The following KANK1 variants were observed in gnomAD, a reference collection of about 807,000 sequenced individuals.
KANK1 encodes KN motif and ankyrin repeat domains 1.
Under a neutral mutation model 106.2 loss-of-function variants are expected in KANK1, and 109 were observed. The observed-to-expected ratio is 1.03, with a 90% confidence interval of 0.88 to 1.20. The LOEUF (loss-of-function observed/expected upper bound fraction) is 1.20. Ranked by LOEUF, KANK1 falls within the 50% of genes most tolerant of loss-of-function variation. The probability of loss-of-function intolerance (pLI) is 0.00; values close to 1 mark genes in which losing one functional copy is unlikely to be tolerated. For missense variants in KANK1, 2,399 were observed against 1,710.7 expected (o/e 1.40, Z -7.10); for synonymous variants, 873 against 652.2 (o/e 1.34, Z -5.16).
At chr9:562,735 G>C (rs1411289653) in intron 1 of KANK1, among the ~76,000 whole-genome samples, 2 of 152,206 alleles carry the variant, frequency 1.3e-5, no homozygotes, top group South Asian at 4.1e-4. Context: ...TTAGACAACC[G>C]ATGCTAGTGG....
chr9:714,764 G>A (rs1291533756), intron 3 of KANK1, among the ~76,000 whole-genome samples: 1 of 152,132 alleles, frequency 6.6e-6, no homozygotes, highest in African/African-American at 2.4e-5. Flanking sequence ...AAGCCACCCT[G>A]GATGATTTTA....
At chr9:614,556 A>C (rs945501822) in intron 1 of KANK1, among the ~76,000 whole-genome samples, 6 of 152,298 alleles carry the variant, frequency 3.9e-5, no homozygotes, top group African/African-American at 1.4e-4. Context: ...TGAGTAGGAC[A>C]GTTCCTCATT....
At chr9:740,082 G>C (rs143463011) in intron 8 of KANK1, among the ~76,000 whole-genome samples, 11 of 152,242 alleles carry the variant, frequency 7.2e-5, no homozygotes, top group African/African-American at 2.4e-4. Flanking sequence ...CATAAAAGCT[G>C]CTTTCTAACA....
At chr9:737,336 T>A (rs917110966) in intron 7 of KANK1, among the ~76,000 whole-genome samples, 1 of 152,226 alleles carries the variant, frequency 6.6e-6, no homozygotes, top group Non-Finnish European at 1.5e-5. Context: ...AACTCTACCT[T>A]TTCTACAGAA....
At chr9:717,665 A>G (rs953920322) in intron 3 of KANK1, among the ~76,000 whole-genome samples, 1 of 152,216 alleles carries the variant, frequency 6.6e-6, no homozygotes, top group African/African-American at 2.4e-5. Context: ...AGTTTCTGTT[A>G]TAACAAAAAT....
intron 1 of KANK1, among the ~76,000 whole-genome samples, chr9:654,812 TGTGAGAGA>T (rs1211335617): frequency 6.7e-4 from 91 of 134,832 alleles, no homozygotes; most frequent in African/African-American, 3.2e-3. Flanking sequence ...TGTGTGTGTG[TGTGAGAGA>T]GAGAGAGAGA....
intron 1 of KANK1, among the ~76,000 whole-genome samples, chr9:614,655 C>T (rs1362277817): frequency 6.6e-6 from 1 of 152,060 alleles, no homozygotes; most frequent in African/African-American, 2.4e-5. Flanking sequence ...ACATGACTGC[C>T]CAGTAACACT....
chr9:710,928 G>A lies in KANK1; in HGVS notation c.162G>A (p.Lys54=), dbSNP rs766679042. Residue 54 remains lysine (K), a synonymous_variant, in exon 3 of 12, where the codon AAG becomes AAA. Transcript: ENST00000382297. ...TCAAATATGTGGATGACATACAGAA[G>A]GGAAATACCATCAAAAGACTGAACA... The part of the protein sequence containing the change: ...DFLKYVDDIQ[K]GNTIKRLNIQ... The A allele has an allele frequency of 8.7e-6, 14 of 1,614,136 alleles. No individual in the cohort carries two copies. In the South Asian group the frequency reaches 1.2e-4, roughly 14 times the overall value.
intron 3 of KANK1, among the ~76,000 whole-genome samples, chr9:499,295 TAGC>T (rs1291663572): frequency 3.3e-5 from 5 of 152,094 alleles, no homozygotes; most frequent in African/African-American, 1.2e-4. Context: ...TGAATATTCA[TAGC>T]AGCATTATTA....
intron 1 of KANK1, among the ~76,000 whole-genome samples, chr9:535,398 C>T (rs754470929): frequency 1.3e-5 from 2 of 152,128 alleles, no homozygotes; most frequent in Non-Finnish European, 2.9e-5. Context: ...TATTCCTGCC[C>T]ACACTTCTTT....
Position 745,289 on chromosome 9 carries a change from C to T in KANK1, c.*54C>T, listed in dbSNP as rs17369029. The T allele has an allele frequency of 0.18, 295,492 of 1,605,604 alleles. 29,003 individuals carry two copies. The highest frequency in any genetic ancestry group is 0.23 in the Admixed American group (13,844 of 59,878). ...GCCACTATTAAGCTGCTAATTGTTC[C>T]TGTTGGGGTGACAGATACTGAATGT... On this transcript the variant is annotated 3_prime_UTR_variant, in exon 12 of 12. Coordinates refer to ENST00000382297, the MANE Select transcript of KANK1 (RefSeq NM_015158.5).
intron 1 of KANK1, among the ~76,000 whole-genome samples, chr9:601,335 A>G (rs922870593): frequency 2.0e-5 from 3 of 151,804 alleles, no homozygotes; most frequent in African/African-American, 7.3e-5. Context: ...TCCTTTCTTT[A>G]TGTTCCATGA....
chr9:539,083 G>A (rs748758332), intron 1 of KANK1, among the ~76,000 whole-genome samples: 1 of 152,106 alleles, frequency 6.6e-6, no homozygotes, highest in Non-Finnish European at 1.5e-5. Context: ...ATTTCACCAT[G>A]TTGGCCCAGC....
intron 1 of KANK1, among the ~76,000 whole-genome samples, chr9:523,175 G>C (rs368728877): frequency 1.3e-5 from 2 of 151,440 alleles, no homozygotes; most frequent in Non-Finnish European, 2.9e-5. Context: ...ATCTACACCC[G>C]AGTGTGTGGT....
chr9:732,319 C>G (rs1832525445), intron 5 of KANK1, 59 bp from the exon 6 acceptor site: 1 of 1,544,786 alleles, frequency 6.5e-7, no homozygotes, highest in East Asian at 2.3e-5. Context: ...ATAGAAATTT[C>G]TATCACTGGG....
chr9:743,300 A>G (rs1210618976), intron 10 of KANK1, among the ~76,000 whole-genome samples: 1 of 152,202 alleles, frequency 6.6e-6, no homozygotes, highest in Non-Finnish European at 1.5e-5. Context: ...GGAGTTTTTC[A>G]CTGGTATGAG....
chr9:651,883 G>A (rs1229112962), intron 1 of KANK1, among the ~76,000 whole-genome samples: 1 of 152,126 alleles, frequency 6.6e-6, no homozygotes, highest in Non-Finnish European at 1.5e-5. Context: ...AATAAATGTA[G>A]AATCCCATGA....
upstream of KANK1, among the ~76,000 whole-genome samples, chr9:502,546 T>TAGGC (rs1554722305): frequency 4.0e-5 from 6 of 150,188 alleles, no homozygotes; most frequent in African/African-American, 1.5e-4. Flanking sequence ...TTTTTTTTCT[T>TAGGC]AGAGTCGTGC....
At chr9:669,403 G>A (rs549782071) in intron 1 of KANK1, among the ~76,000 whole-genome samples, 2 of 152,230 alleles carry the variant, frequency 1.3e-5, no homozygotes, top group South Asian at 2.1e-4. Flanking sequence ...AGATCTAGTA[G>A]TGGTAAATTC....
Sources: gnomAD v4.1 joint callset for allele counts (sites outside exome capture counted in the v4.1 genomes callset) on GRCh38, gnomAD v4.1.1 for gene constraint, MANE v1.5 for transcripts, NCBI Gene and HGNC (gene_info 2026-07-23, HGNC 2026-07-21) for gene names.